Variants in PRR5L observed in about 807,000 individuals in gnomAD.
PRR5L encodes the protein proline-rich protein 5-like.
PRR5L carries 21 observed loss-of-function variants against 36.4 expected under a neutral mutation model. That is an observed-to-expected ratio of 0.58 (90% CI 0.41 to 0.83). The LOEUF is 0.83. Ranked by LOEUF, PRR5L falls within the 40% of genes least tolerant of loss-of-function variation. The pLI is 0.00. For synonymous variants in PRR5L, 188 were observed against 197.0 expected (o/e 0.95, Z 0.38); for missense variants, 381 against 473.3 (o/e 0.80, Z 1.81).
rs189255660 is a variant in PRR5L, at chr11:36,399,500, C to T, written c.-125-1497C>T. ...CATGTTTGATTTGGAGGTGAGACTT[C>T]GGTTCCTCCTTCTTCAAGTGCTAAC... On this transcript the variant is annotated intron_variant, in intron 1 of 8. Coordinates refer to ENST00000530639, the MANE Select transcript of PRR5L (RefSeq NM_001160167.2). 6.6e-4 allele frequency among the ~76,000 whole-genome samples: 101 copies of T among 152,306 alleles called. 1 individual carries two copies. Among genetic ancestry groups the T allele is most frequent in the African/African-American group, 2.1e-3 (87 of 41,556 alleles).
intron 1 of PRR5L, among the ~76,000 whole-genome samples, chr11:36,400,125 T>C (rs1857759606): frequency 6.6e-6 from 1 of 152,206 alleles, no homozygotes; most frequent in East Asian, 1.9e-4. Context: ...TGGGTTTAAA[T>C]AAGCAGAGGG....
chr11:36,364,385 G>A (rs1471554814), intron 1 of PRR5L, among the ~76,000 whole-genome samples: 1 of 152,178 alleles, frequency 6.6e-6, no homozygotes, highest in East Asian at 1.9e-4. Context: ...GAGGTTAAAT[G>A]CAGAGATTTG....
At chr11:36,311,768 T>C in intron 1 of PRR5L, among the ~76,000 whole-genome samples, 1 of 152,042 alleles carries the variant, frequency 6.6e-6, no homozygotes, top group Non-Finnish European at 1.5e-5. Context: ...ATTTTGGATG[T>C]CTATCTATCT....
Position 36,419,026 on chromosome 11 carries a change from C to T in PRR5L, c.246-229C>T, listed in dbSNP as rs539630485. Among the ~76,000 whole-genome samples, 4 of 152,242 alleles carry T rather than the reference C, an allele frequency of 2.6e-5. No homozygotes were observed. In the East Asian group the frequency reaches 7.7e-4, roughly 29 times the overall value. ...ATTAGGATTTCCTTTGGCCAGCTGCCCTCTTCACAGTGCTACTTTCTCAGA... is the reference window on the plus strand; with the variant it reads ...ATTAGGATTTCCTTTGGCCAGCTGCTCTCTTCACAGTGCTACTTTCTCAGA... On this transcript the variant is annotated intron_variant, in intron 3 of 8. Transcript: ENST00000530639.
intron 3 of PRR5L, among the ~76,000 whole-genome samples, chr11:36,417,441 C>T (rs1360862257): frequency 6.6e-6 from 1 of 152,118 alleles, no homozygotes; most frequent in Non-Finnish European, 1.5e-5. Flanking sequence ...CTAGTGATGC[C>T]CAACCCGCTC....
At chr11:36,434,071 T>C (rs1858556371) in intron 5 of PRR5L, among the ~76,000 whole-genome samples, 1 of 152,200 alleles carries the variant, frequency 6.6e-6, no homozygotes, top group South Asian at 2.1e-4. Flanking sequence ...CTCACCCAAG[T>C]AACCCTCATC....
At chr11:36,462,305 TC>T in intron 8 of PRR5L, 36 bp from the exon 9 acceptor site, 4 of 1,481,642 alleles carry the variant, frequency 2.7e-6, no homozygotes, top group Non-Finnish European at 3.6e-6. Context: ...CAATACCCCC[TC>T]CCCAATAACA....
At chr11:36,411,058 T>C (rs1183122142) in intron 3 of PRR5L, among the ~76,000 whole-genome samples, 2 of 152,270 alleles carry the variant, frequency 1.3e-5, no homozygotes, top group African/African-American at 4.8e-5. Context: ...CCAACTCATC[T>C]TGGCTAACCT....
intron 1 of PRR5L, among the ~76,000 whole-genome samples, chr11:36,337,821 G>C (rs1856783206): frequency 6.6e-6 from 1 of 152,206 alleles, no homozygotes. Flanking sequence ...ATAATTTCAG[G>C]CACAGGTTAA....
chr11:36,368,052 C>T (rs1190380527), intron 1 of PRR5L, among the ~76,000 whole-genome samples: 1 of 151,390 alleles, frequency 6.6e-6, no homozygotes, highest in Non-Finnish European at 1.5e-5. Context: ...GAAATGAAAA[C>T]GTCAAGGCTG....
intron 1 of PRR5L, among the ~76,000 whole-genome samples, chr11:36,307,878 T>G (rs1856451814): frequency 6.6e-6 from 1 of 152,274 alleles, no homozygotes; most frequent in African/African-American, 2.4e-5. Context: ...AGGGACAGTT[T>G]ATTCCTAGAG....
intron 1 of PRR5L, among the ~76,000 whole-genome samples, chr11:36,373,334 C>T (rs978497676): frequency 6.6e-6 from 1 of 152,158 alleles, no homozygotes; most frequent in Non-Finnish European, 1.5e-5. Context: ...GTCCCATTGA[C>T]ATTTAGGTAG....
At chr11:36,303,384 G>A (rs1856397204) in intron 1 of PRR5L, among the ~76,000 whole-genome samples, 1 of 152,190 alleles carries the variant, frequency 6.6e-6, no homozygotes, top group African/African-American at 2.4e-5. Flanking sequence ...GTAAGAGAAT[G>A]TGGAGATACC....
intron 7 of PRR5L, among the ~76,000 whole-genome samples, chr11:36,449,585 CG>C (rs1420628561): frequency 6.6e-6 from 1 of 152,206 alleles, no homozygotes; most frequent in Non-Finnish European, 1.5e-5. Context: ...CTGAGACCAC[CG>C]GAATGGTGCA....
chr11:36,327,859 C>T (rs1463813495), intron 1 of PRR5L, among the ~76,000 whole-genome samples: 1 of 152,180 alleles, frequency 6.6e-6, no homozygotes, highest in African/African-American at 2.4e-5. Context: ...CCTGTCCCAA[C>T]TTCAAGTTTT....
At chr11:36,368,660 C>G (rs1330856830) in intron 1 of PRR5L, among the ~76,000 whole-genome samples, 1 of 152,158 alleles carries the variant, frequency 6.6e-6, no homozygotes, top group Non-Finnish European at 1.5e-5. Flanking sequence ...AATGCAACAA[C>G]AGATTGAATG....
At chr11:36,328,540 C>T (rs969976185) in intron 1 of PRR5L, among the ~76,000 whole-genome samples, 1 of 152,198 alleles carries the variant, frequency 6.6e-6, no homozygotes, top group African/African-American at 2.4e-5. Context: ...GTTCCTGAGG[C>T]CCCCTCAGAA....
At chr11:36,300,120 A>C (rs1440916518) in intron 1 of PRR5L, among the ~76,000 whole-genome samples, 2 of 152,236 alleles carry the variant, frequency 1.3e-5, no homozygotes, top group African/African-American at 4.8e-5. Context: ...AATGCATAAA[A>C]GCAATTCTGT....
At chr11:36,407,415 C>T (rs985912337) in intron 3 of PRR5L, among the ~76,000 whole-genome samples, 2 of 152,178 alleles carry the variant, frequency 1.3e-5, no homozygotes, top group Non-Finnish European at 2.9e-5. Context: ...AAAAACTTCT[C>T]CAGCAGTTTG....
Sources: allele counts gnomAD v4.1 joint callset (sites outside exome capture counted in the v4.1 genomes callset), GRCh38; gene constraint gnomAD v4.1.1; transcripts MANE v1.5; gene names NCBI Gene and HGNC (gene_info 2026-07-23, HGNC 2026-07-21).